The following PDSS2 variants were observed in gnomAD, a reference collection of about 807,000 sequenced individuals.
PDSS2 encodes decaprenyl diphosphate synthase subunit 2, also known as all trans-polyprenyl-diphosphate synthase PDSS2.
Under a neutral mutation model 44.5 loss-of-function variants are expected in PDSS2, and 31 were observed. That is an observed-to-expected ratio of 0.70 (90% CI 0.52 to 0.94). The LOEUF (loss-of-function observed/expected upper bound fraction) is 0.94. Ranked by LOEUF, PDSS2 falls within the 40% of genes least tolerant of loss-of-function variation. The pLI is 0.00. For synonymous variants in PDSS2, 157 were observed against 180.3 expected (o/e 0.87, Z 1.03); for missense variants, 452 against 482.2 (o/e 0.94, Z 0.59).
intron 4 of PDSS2, among the ~76,000 whole-genome samples, chr6:107,226,827 G>A (rs916883106): frequency 6.9e-6 from 1 of 144,434 alleles, no homozygotes; most frequent in Non-Finnish European, 1.5e-5. Flanking sequence ...GTGCCACCAT[G>A]CCTAGCTAAT....
chr6:107,331,343 T>C (rs555636016), intron 2 of PDSS2, among the ~76,000 whole-genome samples: 1 of 152,182 alleles, frequency 6.6e-6, no homozygotes, highest in South Asian at 2.1e-4. Flanking sequence ...TTATAGAAAA[T>C]AGCCTGGGTT....
chr6:107,438,587 G>C (rs974507219), intron 1 of PDSS2, among the ~76,000 whole-genome samples: 1 of 152,132 alleles, frequency 6.6e-6, no homozygotes, highest in African/African-American at 2.4e-5. Context: ...CACTACAGTA[G>C]AGAGTCAGGA....
intron 4 of PDSS2, among the ~76,000 whole-genome samples, chr6:107,225,616 G>C (rs1178321824): frequency 6.6e-6 from 1 of 152,060 alleles, no homozygotes; most frequent in Non-Finnish European, 1.5e-5. Context: ...GGCTACCACA[G>C]ATGAAGTTCG....
intron 2 of PDSS2, among the ~76,000 whole-genome samples, chr6:107,328,384 G>A (rs11153057): frequency 0.039 from 5,881 of 152,108 alleles, 167 homozygotes; most frequent in Admixed American, 0.078. Flanking sequence ...GTGGGACCTC[G>A]GAAAGTTACT....
At chr6:107,254,869 AT>A (rs57837565) in intron 3 of PDSS2, among the ~76,000 whole-genome samples, 31,864 of 146,086 alleles carry the variant, frequency 0.22, 3,750 homozygotes, top group African/African-American at 0.32. Flanking sequence ...ATAAAACTAC[AT>A]TTTTTTTTTT....
intron 3 of PDSS2, among the ~76,000 whole-genome samples, chr6:107,257,603 AAAG>A (rs1775066724): frequency 6.6e-6 from 1 of 152,106 alleles, no homozygotes; most frequent in African/African-American, 2.4e-5. Context: ...TCCAATCTAT[AAAG>A]ATATACATAC....
intron 7 of PDSS2, among the ~76,000 whole-genome samples, chr6:107,171,713 G>A (rs111252482): frequency 4.6e-5 from 7 of 152,068 alleles, no homozygotes; most frequent in Admixed American, 1.3e-4. Context: ...TGAGCATGGC[G>A]GGTGGTCTCA....
chr6:107,164,501 A>C (rs1458286280), intron 7 of PDSS2, among the ~76,000 whole-genome samples: 1 of 152,104 alleles, frequency 6.6e-6, no homozygotes, highest in Non-Finnish European at 1.5e-5. Flanking sequence ...TGAACTCATC[A>C]TTTTTTATGG....
At chr6:107,286,901 A>G (rs1033567659) in intron 2 of PDSS2, among the ~76,000 whole-genome samples, 12 of 151,514 alleles carry the variant, frequency 7.9e-5, no homozygotes, top group Non-Finnish European at 1.5e-4. Flanking sequence ...TTAGCTGAGC[A>G]TGGTGGCACG....
chr6:107,449,972 TG>T (rs1753149172), intron 1 of PDSS2, among the ~76,000 whole-genome samples: 1 of 152,250 alleles, frequency 6.6e-6, no homozygotes, highest in Non-Finnish European at 1.5e-5. Context: ...TTCTACCTCT[TG>T]GCTACTGTGA....
At chr6:107,411,859 T>C (rs1780504884) in intron 1 of PDSS2, among the ~76,000 whole-genome samples, 1 of 148,570 alleles carries the variant, frequency 6.7e-6, no homozygotes, top group African/African-American at 2.5e-5. Flanking sequence ...TACTGAGGAA[T>C]AACTGTACTT....
At chr6:107,192,787 TA>T (rs71549501) in intron 7 of PDSS2, among the ~76,000 whole-genome samples, 73 of 144,450 alleles carry the variant, frequency 5.1e-4, no homozygotes, top group Admixed American at 6.2e-4. Flanking sequence ...TTGTAATTGT[TA>T]AAAAAAAAAA....
At chr6:107,443,374 C>T (rs1439294270) in intron 1 of PDSS2, among the ~76,000 whole-genome samples, 1 of 152,218 alleles carries the variant, frequency 6.6e-6, no homozygotes, top group Non-Finnish European at 1.5e-5. Flanking sequence ...TGGCCACAAC[C>T]TTTCCTTTGC....
chr6:107,356,255 T>G (rs1778594697), intron 1 of PDSS2, among the ~76,000 whole-genome samples: 1 of 152,242 alleles, frequency 6.6e-6, no homozygotes, highest in South Asian at 2.1e-4. Flanking sequence ...CTGGTTATGA[T>G]GTATTCTCCA....
rs11447270 is a variant in PDSS2 at position 107,156,196 on chromosome 6, C to CTTTT, written c.1042-1423_1042-1420dup. 1.6e-4 allele frequency among the ~76,000 whole-genome samples: 19 copies of CTTTT among 117,960 alleles called. 1 individual carries two copies. The highest frequency in any genetic ancestry group is 2.7e-4 in the Non-Finnish European group (16 of 59,342). 77.4% of individuals were successfully genotyped at this position (117,960 alleles called of 152,430 possible). A position where few individuals can be genotyped will look rare whatever the true frequency, so the allele number is the denominator to read the frequency against. On this transcript the variant is annotated intron_variant, in intron 7 of 7. Transcript: ENST00000369037. ...TAAGCCACTGTGCCCGGCCTGAATG[C>CTTTT]TTTTTTTTTTTTTTTTTTCCTGAGA...
intron 4 of PDSS2, among the ~76,000 whole-genome samples, chr6:107,217,265 G>A (rs1022345320): frequency 6.6e-6 from 1 of 152,174 alleles, no homozygotes; most frequent in East Asian, 1.9e-4. Context: ...CAAGGCAAAA[G>A]GGACTATACA....
chr6:107,276,672 C>G (rs1179134260), intron 2 of PDSS2, among the ~76,000 whole-genome samples: 1 of 152,246 alleles, frequency 6.6e-6, no homozygotes, highest in South Asian at 2.1e-4. Flanking sequence ...TCAGTCACAC[C>G]CTCTGATATC....
At chr6:107,283,727 T>A (rs534939374) in intron 2 of PDSS2, among the ~76,000 whole-genome samples, 12 of 139,050 alleles carry the variant, frequency 8.6e-5, no homozygotes, top group South Asian at 4.5e-4. Context: ...TCTCAAAAAA[T>A]AAATAAATAA....
intron 1 of PDSS2, among the ~76,000 whole-genome samples, chr6:107,336,825 GGTGTGTGTGTGTGTGTGTGTGTGTGTGT>G (rs370135734): frequency 1.1e-4 from 12 of 106,468 alleles, no homozygotes; most frequent in South Asian, 7.9e-4. Context: ...AGAGGTGTGT[GGTGTGTGTGTGTGTGTGTGTGTGTGTGT>G]GTGTGTGTGT....
Sources: gnomAD v4.1 joint callset for allele counts (sites outside exome capture counted in the v4.1 genomes callset) on GRCh38, gnomAD v4.1.1 for gene constraint, MANE v1.5 for transcripts, NCBI Gene and HGNC (gene_info 2026-07-23, HGNC 2026-07-21) for gene names.